Variants in JDP2 observed in about 807,000 individuals in gnomAD.
JDP2 encodes the protein progesterone receptor co-activator.
In JDP2, 9 loss-of-function variants were observed where a neutral mutation model predicts 17.1. The ratio of observed to expected loss-of-function variants is 0.53; its 90% confidence interval spans 0.32 to 0.92. The LOEUF is 0.92. Ranked by LOEUF, JDP2 falls within the 40% of genes least tolerant of loss-of-function variation. The pLI, the probability that JDP2 is intolerant of heterozygous loss-of-function variation, is 0.04. For missense variants in JDP2, 179 were observed against 220.0 expected, an observed-to-expected ratio of 0.81 and a Z score of 1.18; for synonymous variants, 107 against 95.6, an observed-to-expected ratio of 1.12 and a Z score of -0.69.
chr14:75,448,855 C>T (rs1050410037), intron 2 of JDP2, among the ~76,000 whole-genome samples: 5 of 152,190 alleles, frequency 3.3e-5, no homozygotes, highest in African/African-American at 1.2e-4. Context: ...CACTCCATAG[C>T]CCTGGCAATG....
intron 2 of JDP2, among the ~76,000 whole-genome samples, chr14:75,443,453 A>G (rs1434760011): frequency 6.6e-6 from 1 of 152,184 alleles, no homozygotes; most frequent in Non-Finnish European, 1.5e-5. Context: ...TGTTTGGCAG[A>G]GAGGTCCAAT....
intron 2 of JDP2, among the ~76,000 whole-genome samples, chr14:75,456,821 C>T (rs1047524988): frequency 1.8e-4 from 28 of 152,212 alleles, no homozygotes; most frequent in Non-Finnish European, 3.5e-4. Flanking sequence ...GCCATTCATG[C>T]CTCGTCCAGT....
At chr14:75,431,600 G>A (rs755877124) in intron 1 of JDP2, among the ~76,000 whole-genome samples, 4 of 152,224 alleles carry the variant, frequency 2.6e-5, no homozygotes, top group Non-Finnish European at 5.9e-5. Flanking sequence ...AGAGGAAACC[G>A]AGGCCGAGGG....
At chr14:75,429,114 A>C (rs915580656) in intron 1 of JDP2, among the ~76,000 whole-genome samples, 1 of 152,168 alleles carries the variant, frequency 6.6e-6, no homozygotes, top group African/African-American at 2.4e-5. Context: ...TGCCTGGGTC[A>C]GTAGGAGGAG....
chr14:75,433,229 A>T (rs1351986830), intron 1 of JDP2, among the ~76,000 whole-genome samples: 2 of 135,304 alleles, frequency 1.5e-5, no homozygotes, highest in African/African-American at 2.8e-5. Context: ...AAAAAATGTA[A>T]GGGGTTAGGT....
intron 2 of JDP2, among the ~76,000 whole-genome samples, chr14:75,447,174 A>T (rs1052184849): frequency 1.3e-5 from 2 of 152,230 alleles, no homozygotes; most frequent in Non-Finnish European, 2.9e-5. Flanking sequence ...TGGGGCTGGC[A>T]GGTGTTCTAA....
At position 75,471,127 on chromosome 14, in the gene JDP2, T is replaced by G. The variant is rs573518459; in HGVS notation, c.*1652T>G. The G allele has an allele frequency of 6.6e-6, 1 of 152,356 alleles. No homozygotes were observed. The highest frequency in any genetic ancestry group is 1.9e-4 in the East Asian group (1 of 5,180). 9.4% of individuals were successfully genotyped at this position (152,356 alleles called of 1,614,324 possible). On this transcript the variant is annotated 3_prime_UTR_variant, in exon 4 of 4. Coordinates refer to ENST00000651602, the MANE Select transcript of JDP2 (RefSeq NM_001135048.2). The stretch of plus-strand genomic sequence containing the variant: ...TTGTCCTCATGGTTGAATAGGAAGC[T>G]TATGAGGCCACAGTTATAGATTTAG...
Position 75,430,082 on chromosome 14 carries a change from A to G in JDP2, c.-24+1830A>G, listed in dbSNP as rs759770999. Among the ~76,000 whole-genome samples, 2 of 152,182 alleles carry G rather than the reference A, an allele frequency of 1.3e-5. No homozygotes were observed. The highest frequency in any genetic ancestry group is 2.9e-5 in the Non-Finnish European group (2 of 68,020). Reference sequence around the variant, plus strand: ...CACTCATCCACTGCCTAACTTTTGCAGCTACCAGGGAATGCTCCTCCTGAC... The same window carrying G: ...CACTCATCCACTGCCTAACTTTTGCGGCTACCAGGGAATGCTCCTCCTGAC... On this transcript the variant is annotated intron_variant, in intron 1 of 3. Coordinates refer to ENST00000651602, the MANE Select transcript of JDP2 (RefSeq NM_001135048.2). This position sits in a 1 kb window ranked among gnomAD's most constrained non-coding sequence, Gnocchi z 4.5.
In JDP2 at chr14:75,474,012, C is replaced by T. The variant is rs371649590; in HGVS notation, c.*4537C>T. 5.3e-5 allele frequency: 8 copies of T among 152,140 alleles called. No homozygotes were observed. In the East Asian group the frequency reaches 1.3e-3, roughly 26 times the overall value. The allele number at this position is 152,140 out of a possible 1,614,324, so 9.4% of individuals were successfully genotyped here. A position where few individuals can be genotyped will look rare whatever the true frequency, so the allele number is the denominator to read the frequency against. On this transcript the variant is annotated 3_prime_UTR_variant, in exon 4 of 4. Transcript: ENST00000651602. ...TCAAATGTAGAATGACAGGATTTTT[C>T]AGAGGTGGGTGATGTGTGCACAGAT...
At chr14:75,436,297 A>G (rs954311231) in intron 1 of JDP2, among the ~76,000 whole-genome samples, 2 of 152,224 alleles carry the variant, frequency 1.3e-5, no homozygotes, top group African/African-American at 4.8e-5. Context: ...CAGAGAGCCC[A>G]AGAACCATGT....
At chr14:75,455,682 A>T (rs1412250973) in intron 2 of JDP2, among the ~76,000 whole-genome samples, 1 of 152,112 alleles carries the variant, frequency 6.6e-6, no homozygotes, top group African/African-American at 2.4e-5. Flanking sequence ...ACCCTCTGCC[A>T]TGGCTAAGTG....
intron 2 of JDP2, among the ~76,000 whole-genome samples, chr14:75,453,780 T>G (rs1885977108): frequency 6.6e-6 from 1 of 152,224 alleles, no homozygotes; most frequent in Admixed American, 6.5e-5. Flanking sequence ...CTGTCAACTC[T>G]GATGCCACAA....
intron 2 of JDP2, among the ~76,000 whole-genome samples, chr14:75,451,149 T>A (rs1263103344): frequency 6.6e-6 from 1 of 152,138 alleles, no homozygotes; most frequent in Non-Finnish European, 1.5e-5. Context: ...CATAGGAGCT[T>A]GGGCCTCATC....
At chr14:75,467,651 G>A (rs2140001191) in intron 3 of JDP2, among the ~76,000 whole-genome samples, 1 of 152,264 alleles carries the variant, frequency 6.6e-6, no homozygotes, top group East Asian at 1.9e-4. Flanking sequence ...TCACCAGAGA[G>A]TCACCAGTGA....
intron 2 of JDP2, among the ~76,000 whole-genome samples, chr14:75,442,441 C>T (rs1885399871): frequency 6.6e-6 from 1 of 152,212 alleles, no homozygotes; most frequent in Non-Finnish European, 1.5e-5. Flanking sequence ...TTCATACCAT[C>T]TGTGTTGCCA....
intron 2 of JDP2, among the ~76,000 whole-genome samples, chr14:75,455,272 C>G (rs1007532034): frequency 6.6e-6 from 1 of 152,172 alleles, no homozygotes; most frequent in Admixed American, 6.5e-5. Flanking sequence ...GTGCCTGACT[C>G]CTGGCAAACG....
At chr14:75,467,978 C>T (rs1335449936) in intron 3 of JDP2, among the ~76,000 whole-genome samples, 4 of 152,230 alleles carry the variant, frequency 2.6e-5, no homozygotes, top group Admixed American at 6.5e-5. Context: ...AGGAACAGTT[C>T]GGTCAGACCA....
chr14:75,447,200 T>C (rs1320620319), intron 2 of JDP2, among the ~76,000 whole-genome samples: 1 of 152,224 alleles, frequency 6.6e-6, no homozygotes, highest in Non-Finnish European at 1.5e-5. Flanking sequence ...AGCCATTAGC[T>C]GAAAACCTGG....
chr14:75,439,369 C>T (rs1390929318), intron 2 of JDP2, among the ~76,000 whole-genome samples: 2 of 152,192 alleles, frequency 1.3e-5, no homozygotes, highest in Non-Finnish European at 2.9e-5. Context: ...ACGCGAACCC[C>T]CATTTCATTT....
Sources: gnomAD v4.1 joint callset for allele counts (sites outside exome capture counted in the v4.1 genomes callset) on GRCh38, gnomAD v4.1.1 for gene constraint, Gnocchi (gnomAD v3.1) non-coding constraint, MANE v1.5 for transcripts, NCBI Gene and HGNC (gene_info 2026-07-23, HGNC 2026-07-21) for gene names.